HYCC1: variants seen among roughly 807,000 people sequenced by gnomAD.
HYCC1 encodes hyccin.
At chr7:22,905,629 A>G in the HYCC1 span, among the ~76,000 whole-genome samples, 2 of 152,016 alleles carry the variant, frequency 1.3e-5, no homozygotes, top group Non-Finnish European at 2.9e-5. Context: ...GAAGGAAAAA[A>G]GTGCTATTAT....
the HYCC1 span, chr7:22,936,403 T>C: frequency 6.6e-6 from 1 of 152,196 alleles, no homozygotes; most frequent in Non-Finnish European, 1.5e-5. Flanking sequence ...ATCCTTCCAG[T>C]ATAGCCGCTT....
chr7:23,002,159 T>C, the HYCC1 span, among the ~76,000 whole-genome samples: 27,619 of 70,472 alleles, frequency 0.39, 3,184 homozygotes, highest in East Asian at 0.5. Context: ...TATATATATA[T>C]ATATATATAT....
chr7:22,931,196 C>A, the HYCC1 span, among the ~76,000 whole-genome samples: 1 of 143,772 alleles, frequency 7.0e-6, no homozygotes, highest in African/African-American at 2.6e-5. Flanking sequence ...AGAAGGCCAT[C>A]TAATGACAGA....
At chr7:22,999,926 A>C in the HYCC1 span, among the ~76,000 whole-genome samples, 1 of 152,160 alleles carries the variant, frequency 6.6e-6, no homozygotes, top group East Asian at 1.9e-4. Context: ...CATCATGAGA[A>C]AATTATCAGA....
the HYCC1 span, among the ~76,000 whole-genome samples, chr7:22,913,905 A>C: frequency 1.3e-5 from 2 of 152,186 alleles, no homozygotes; most frequent in Admixed American, 1.3e-4. Context: ...CTCCATGAGG[A>C]GATCCACCTA....
the HYCC1 span, among the ~76,000 whole-genome samples, chr7:22,966,931 G>A: frequency 1.3e-5 from 2 of 152,118 alleles, no homozygotes. Flanking sequence ...TTACAAAAAT[G>A]TATGCCCAAA....
At chr7:23,006,360 A>G in the HYCC1 span, among the ~76,000 whole-genome samples, 2 of 152,036 alleles carry the variant, frequency 1.3e-5, no homozygotes, top group Admixed American at 6.6e-5. Context: ...TCTGCCTCCC[A>G]GGTTCATGCC....
At chr7:22,931,892 T>C in the HYCC1 span, among the ~76,000 whole-genome samples, 1 of 152,188 alleles carries the variant, frequency 6.6e-6, no homozygotes, top group Non-Finnish European at 1.5e-5. Context: ...AAGCAAAGTG[T>C]GGAAGATGTG....
the HYCC1 span, among the ~76,000 whole-genome samples, chr7:23,007,954 T>C: frequency 6.6e-6 from 1 of 152,032 alleles, no homozygotes; most frequent in South Asian, 2.1e-4. Flanking sequence ...AATAAAAATT[T>C]TGAACACACA....
chr7:22,992,873 A>G, the HYCC1 span, among the ~76,000 whole-genome samples: 11 of 152,172 alleles, frequency 7.2e-5, no homozygotes, highest in Admixed American at 3.3e-4. Context: ...AATTTTTCAA[A>G]AATTAAAAGA....
chr7:23,006,127 A>T, the HYCC1 span, among the ~76,000 whole-genome samples: 1 of 152,186 alleles, frequency 6.6e-6, no homozygotes, highest in East Asian at 1.9e-4. Context: ...ATAGGAAGGG[A>T]ATGGGGAGTG....
At chr7:22,960,341 T>G in the HYCC1 span, 8 of 1,613,280 alleles carry the variant, frequency 5.0e-6, no homozygotes, top group Non-Finnish European at 6.8e-6. Flanking sequence ...TGATTTCAAC[T>G]TGAATACACC....
chr7:22,983,805 G>A, the HYCC1 span: 3 of 619,790 alleles, frequency 4.8e-6, no homozygotes, highest in Non-Finnish European at 8.6e-6. Context: ...TTGGCTTGGG[G>A]AATGGTACAC....
chr7:22,978,459 G>C, the HYCC1 span: 5 of 1,610,680 alleles, frequency 3.1e-6, no homozygotes, highest in African/African-American at 6.7e-5. Context: ...CTAGAAGAAA[G>C]ACAAAATGTT....
chr7:22,921,882 G>T, the HYCC1 span, among the ~76,000 whole-genome samples: 1 of 152,074 alleles, frequency 6.6e-6, no homozygotes, highest in Non-Finnish European at 1.5e-5. Context: ...AATCCACATT[G>T]CTCAAGGGTC....
At chr7:22,997,703 A>T in the HYCC1 span, among the ~76,000 whole-genome samples, 1 of 152,186 alleles carries the variant, frequency 6.6e-6, no homozygotes, top group Non-Finnish European at 1.5e-5. Flanking sequence ...TACCTAGGTC[A>T]TCAAGTAAAT....
At chr7:22,903,001 A>C in the HYCC1 span, among the ~76,000 whole-genome samples, 1 of 152,192 alleles carries the variant, frequency 6.6e-6, no homozygotes, top group African/African-American at 2.4e-5. Context: ...GAAAATGCAA[A>C]TCAAAACCAC....
the HYCC1 span, chr7:22,978,264 C>A: frequency 6.2e-7 from 1 of 1,613,750 alleles, no homozygotes; most frequent in Non-Finnish European, 8.5e-7. Context: ...CCATTAAATA[C>A]AAACCAAATT....
the HYCC1 span, among the ~76,000 whole-genome samples, chr7:22,927,665 G>A: frequency 2.6e-5 from 4 of 152,082 alleles, no homozygotes; most frequent in Non-Finnish European, 2.9e-5. Flanking sequence ...TAGACTAATA[G>A]CAGGCTCTGA....
Sources: gnomAD v4.1 joint callset for allele counts (sites outside exome capture counted in the v4.1 genomes callset) on GRCh38, gnomAD v4.1.1 for gene constraint, MANE v1.5 for transcripts, NCBI Gene and HGNC (gene_info 2026-07-23, HGNC 2026-07-21) for gene names.